TBX15: variants seen among roughly 807,000 people sequenced by gnomAD.
The protein encoded by TBX15 is T-box transcription factor 15, also known as T-box transcription factor TBX15.
TBX15 carries 18 observed loss-of-function variants against 53.9 expected under a neutral mutation model. The ratio of observed to expected loss-of-function variants is 0.33; its 90% CI spans 0.23 to 0.49. The LOEUF is 0.49. Among genes scored for constraint, TBX15 ranks in the 20% least tolerant of loss-of-function variants. The probability of loss-of-function intolerance (pLI) is 0.98; values close to 1 mark genes in which losing one functional copy is unlikely to be tolerated. For synonymous variants in TBX15, 295 were observed against 278.0 expected (o/e 1.06, Z -0.61); for missense variants, 692 against 749.5 (o/e 0.92, Z 0.90).
At chr1:118,924,584 G>A (rs1245028104) in intron 4 of TBX15, 62 bp downstream of exon 4, 2 of 1,600,156 alleles carry the variant, frequency 1.2e-6, no homozygotes, top group South Asian at 1.1e-5. Context: ...ACTGGGGCTA[G>A]CCAGCTCTAA....
chr1:118,968,071 C>T (rs1657112824), intron 1 of TBX15, among the ~76,000 whole-genome samples: 2 of 152,206 alleles, frequency 1.3e-5, no homozygotes, highest in African/African-American at 4.8e-5. Flanking sequence ...AATAGCATTA[C>T]AAATACAGTT....
intron 1 of TBX15, among the ~76,000 whole-genome samples, chr1:118,966,647 A>G (rs2101690203): frequency 6.6e-6 from 1 of 152,314 alleles, no homozygotes; most frequent in Non-Finnish European, 1.5e-5. Flanking sequence ...GAGGCTGGGC[A>G]TTTTAGCAGG....
At chr1:118,977,069 G>A (rs1332991610) in intron 1 of TBX15, among the ~76,000 whole-genome samples, 3 of 152,108 alleles carry the variant, frequency 2.0e-5, no homozygotes, top group Non-Finnish European at 4.4e-5. Context: ...CAATTTCATA[G>A]ATGCAGAAAC....
At chr1:118,904,306 G>A (rs971898997) in intron 6 of TBX15, among the ~76,000 whole-genome samples, 1 of 151,998 alleles carries the variant, frequency 6.6e-6, no homozygotes, top group Non-Finnish European at 1.5e-5. Context: ...TTCTTGCTTG[G>A]TTTAGGTAAG....
At chr1:118,967,193 C>T (rs1270694329) in intron 1 of TBX15, among the ~76,000 whole-genome samples, 1 of 152,068 alleles carries the variant, frequency 6.6e-6, no homozygotes, top group African/African-American at 2.4e-5. Flanking sequence ...CAAAGTACCA[C>T]AAGAGAAAAA....
intron 2 of TBX15, among the ~76,000 whole-genome samples, chr1:118,926,853 G>A (rs1036400992): frequency 3.3e-5 from 5 of 149,274 alleles, no homozygotes; most frequent in Non-Finnish European, 7.4e-5. Flanking sequence ...CTACAGGCAT[G>A]AGCCACCACG....
Position 118,950,634 on chromosome 1 carries a change from C to T in TBX15, c.206-18802G>A, listed in dbSNP as rs575913128. Among the ~76,000 whole-genome samples, 233 of 152,290 alleles carry T rather than the reference C, an allele frequency of 1.5e-3. 1 individual carries two copies. Among genetic ancestry groups the T allele is most frequent in the Non-Finnish European group, 1.5e-3 (102 of 68,030 alleles). ...AGTGGTAGTGGACTGAGCTGCCTGACCTCTCATGTGGTTTTGTTGTTGCTG... is the reference window on the plus strand; with the variant it reads ...AGTGGTAGTGGACTGAGCTGCCTGATCTCTCATGTGGTTTTGTTGTTGCTG... On this transcript the variant is annotated intron_variant, in intron 1 of 7. Coordinates refer to ENST00000369429, the MANE Select transcript of TBX15 (RefSeq NM_001330677.2).
At position 118,987,723 on chromosome 1, in the gene TBX15, C is replaced by T. The variant is rs773482087; in HGVS notation, c.73G>A (p.Gly25Ser). The change falls in exon 1 of 8, where the codon GGC becomes AGC. Residue 25 changes from glycine to serine, a missense_variant. Gly to Ser is a moderately conservative substitution (Grantham distance 56). Transcript: ENST00000369429. ...AHAFSVEALIGSNKKRKLRDW... is the reference protein window; with the variant it reads ...AHAFSVEALISSNKKRKLRDW... ...CGCAGTTTCCGTTTTTTATTTGAGC[C>T]GATCAAGGCTTCAACGGAGAAGGCA... The T allele has an allele frequency of 1.9e-6, 3 of 1,550,436 alleles. No homozygotes were observed. The highest frequency in any genetic ancestry group is 2.4e-5 in the East Asian group (1 of 40,904).
intron 6 of TBX15, among the ~76,000 whole-genome samples, chr1:118,899,905 T>A (rs1374217346): frequency 6.6e-6 from 1 of 152,166 alleles, no homozygotes; most frequent in African/African-American, 2.4e-5. Context: ...TATTGGAAAT[T>A]CCATAAATTG....
chr1:118,900,563 A>G (rs1223614155), intron 6 of TBX15, among the ~76,000 whole-genome samples: 2 of 151,078 alleles, frequency 1.3e-5, no homozygotes, highest in South Asian at 4.2e-4. Context: ...AAATACACCA[A>G]TGTTGGCAAA....
chr1:118,956,995 C>T (rs1339636657), intron 1 of TBX15, among the ~76,000 whole-genome samples: 2 of 151,780 alleles, frequency 1.3e-5, no homozygotes, highest in Non-Finnish European at 2.9e-5. Flanking sequence ...TCCACTAACA[C>T]TTCAAGATTA....
intron 1 of TBX15, among the ~76,000 whole-genome samples, chr1:118,981,870 A>G (rs770624509): frequency 6.6e-6 from 1 of 152,250 alleles, no homozygotes; most frequent in Non-Finnish European, 1.5e-5. Flanking sequence ...AGTCATGCAC[A>G]TATAAAATTC....
chr1:118,962,206 C>A (rs1424742482), intron 1 of TBX15, among the ~76,000 whole-genome samples: 1 of 152,152 alleles, frequency 6.6e-6, no homozygotes, highest in Non-Finnish European at 1.5e-5. Context: ...TACTACAGAC[C>A]AGCACTGATA....
At chr1:118,889,191 C>T (rs1400996290) in intron 7 of TBX15, among the ~76,000 whole-genome samples, 1 of 152,188 alleles carries the variant, frequency 6.6e-6, no homozygotes, top group Non-Finnish European at 1.5e-5. Context: ...GTACTCAATA[C>T]AGATAACAGC....
chr1:118,935,643 C>T (rs73007572), intron 1 of TBX15, among the ~76,000 whole-genome samples: 2,115 of 152,106 alleles, frequency 0.014, 58 homozygotes, highest in African/African-American at 0.048. Flanking sequence ...CTATTCTCAT[C>T]CCCCCAAAAA....
At chr1:118,960,294 G>T (rs1411617022) in intron 1 of TBX15, among the ~76,000 whole-genome samples, 1 of 152,140 alleles carries the variant, frequency 6.6e-6, no homozygotes, top group African/African-American at 2.4e-5. Context: ...CCCAGTTCAG[G>T]TTTCATCTGA....
chr1:118,895,221 C>G (rs1654380343), intron 7 of TBX15, among the ~76,000 whole-genome samples: 2 of 152,158 alleles, frequency 1.3e-5, no homozygotes. Context: ...CACTGAAACA[C>G]CCAATGGTAC....
At chr1:118,904,466 A>G (rs1157827568) in intron 6 of TBX15, among the ~76,000 whole-genome samples, 4 of 152,302 alleles carry the variant, frequency 2.6e-5, no homozygotes, top group East Asian at 3.9e-4. Context: ...AAACCTAACC[A>G]TCATTCAAAA....
intron 1 of TBX15, among the ~76,000 whole-genome samples, chr1:118,962,141 C>A (rs1273988608): frequency 2.0e-5 from 3 of 152,198 alleles, no homozygotes; most frequent in Non-Finnish European, 4.4e-5. Context: ...CAGTGTTACA[C>A]AAAAGGCACA....
Sources: gnomAD v4.1 joint callset for allele counts (sites outside exome capture counted in the v4.1 genomes callset) on GRCh38, gnomAD v4.1.1 for gene constraint, MANE v1.5 for transcripts, NCBI Gene and HGNC (gene_info 2026-07-23, HGNC 2026-07-21) for gene names.